Variants in TCF4 observed in about 807,000 individuals in gnomAD.
TCF4 encodes SL3-3 enhancer factor 2.
In TCF4, 3 loss-of-function variants were observed where a neutral mutation model predicts 82.1. The observed-to-expected ratio is 0.04, with a 90% CI of 0.02 to 0.09. TCF4 has a LOEUF of 0.09. Ranked by LOEUF, TCF4 falls within the 10% of genes least tolerant of loss-of-function variation. The pLI, the probability that TCF4 is intolerant of heterozygous loss-of-function variation, is 1.00. For synonymous variants in TCF4, 276 were observed against 309.6 expected (o/e 0.89, Z 1.14); for missense variants, 518 against 852.7 (o/e 0.61, Z 4.89).
intron 8 of TCF4, among the ~76,000 whole-genome samples, chr18:55,330,099 T>C (rs925168392): frequency 1.3e-5 from 2 of 152,082 alleles, no homozygotes; most frequent in East Asian, 1.9e-4. Context: ...ACAGAACATA[T>C]GATAAAGACA....
chr18:55,265,263 C>T (rs2058876151), intron 11 of TCF4: 1 of 152,292 alleles, frequency 6.6e-6, no homozygotes, highest in Admixed American at 6.5e-5. Context: ...AAGATGACTG[C>T]TTTCAAAGTA....
chr18:55,394,374 A>C (rs374792580), intron 6 of TCF4, among the ~76,000 whole-genome samples: 2 of 152,220 alleles, frequency 1.3e-5, no homozygotes, highest in South Asian at 4.1e-4. Flanking sequence ...TCGCAAATGC[A>C]TATAAACATG....
At chr18:55,495,904 C>CT (rs2145909473) in intron 3 of TCF4, 1 of 152,148 alleles carries the variant, frequency 6.6e-6, no homozygotes, top group East Asian at 1.9e-4. Flanking sequence ...ACGACCTGTC[C>CT]TTTACATGGA....
chr18:55,302,516 T>G (rs780389413), intron 8 of TCF4: 1 of 1,536,080 alleles, frequency 6.5e-7, no homozygotes, highest in South Asian at 1.2e-5. Flanking sequence ...TGGTCAGACA[T>G]GGCTGACAGC....
chr18:55,293,931 C>CTTTTTTT (rs781150808), intron 8 of TCF4, among the ~76,000 whole-genome samples: 452 of 40,022 alleles, frequency 0.011, 120 homozygotes, highest in African/African-American at 0.012. Context: ...TTTCCAAGGA[C>CTTTTTTT]TTTTTTTTTT....
At chr18:55,415,966 T>C (rs2094512025) in intron 5 of TCF4, among the ~76,000 whole-genome samples, 1 of 152,232 alleles carries the variant, frequency 6.6e-6, no homozygotes, top group African/African-American at 2.4e-5. Flanking sequence ...ATCAAATATG[T>C]AGCATTTAAA....
intron 8 of TCF4, among the ~76,000 whole-genome samples, chr18:55,344,007 T>C (rs2080606904): frequency 6.6e-6 from 1 of 152,202 alleles, no homozygotes; most frequent in Non-Finnish European, 1.5e-5. Flanking sequence ...ACAAAGCAAG[T>C]GTCTGTCAAC....
At chr18:55,369,222 T>G (rs1259316055) in intron 6 of TCF4, among the ~76,000 whole-genome samples, 1 of 152,214 alleles carries the variant, frequency 6.6e-6, no homozygotes, top group African/African-American at 2.4e-5. Flanking sequence ...TCCTACATGT[T>G]TTGAAACTTA....
chr18:55,424,114 A>G (rs1359986459), intron 5 of TCF4, among the ~76,000 whole-genome samples: 2 of 152,188 alleles, frequency 1.3e-5, no homozygotes, highest in African/African-American at 4.8e-5. Flanking sequence ...AGAAATAGAA[A>G]TTTTGTGTGT....
chr18:55,351,143 A>C, intron 6 of TCF4, 140 bp from the exon 7 acceptor site: 2 of 1,078,020 alleles, frequency 1.9e-6, no homozygotes, highest in Middle Eastern at 2.6e-4. Context: ...CAAAACAAAA[A>C]CCCAAAAGAA....
chr18:55,435,452 C>T (rs1168408272), intron 5 of TCF4, among the ~76,000 whole-genome samples: 1 of 152,196 alleles, frequency 6.6e-6, no homozygotes, highest in Non-Finnish European at 1.5e-5. Flanking sequence ...GTCTCTTCCC[C>T]ATTTGAATAA....
rs138100565 is a variant in TCF4 at position 55,296,627 on chromosome 18, T to A, written c.550-16971A>T. On this transcript the variant is annotated intron_variant, in intron 8 of 19. Transcript: ENST00000354452. The stretch of plus-strand genomic sequence containing the variant: ...GAGCCAGTTTCTTAAAAATGATACG[T>A]TTCTTCTGTTATATGCCAGCCACAT... Among the ~76,000 whole-genome samples the A allele has an allele frequency of 3.5e-4, 54 of 152,318 alleles. 1 individual carries two copies. The highest frequency in any genetic ancestry group is 2.3e-3 in the East Asian group (12 of 5,186).
chr18:55,275,266 C>A (rs2061237971), intron 10 of TCF4, among the ~76,000 whole-genome samples: 1 of 97,866 alleles, frequency 1.0e-5, no homozygotes, highest in Non-Finnish European at 1.9e-5. Flanking sequence ...TCTTTTGAAA[C>A]TACAGATAGA....
At chr18:55,448,534 T>C (rs773695329) in intron 5 of TCF4, among the ~76,000 whole-genome samples, 10 of 152,248 alleles carry the variant, frequency 6.6e-5, no homozygotes, top group Non-Finnish European at 1.5e-4. Flanking sequence ...ACAGTGTTAA[T>C]GTAGACCCAC....
intron 5 of TCF4, among the ~76,000 whole-genome samples, chr18:55,421,704 T>C (rs1330353134): frequency 2.6e-5 from 4 of 152,228 alleles, no homozygotes; most frequent in African/African-American, 9.6e-5. Flanking sequence ...TTAATAATCA[T>C]CATTTTTTAA....
chr18:55,422,299 C>T, intron 5 of TCF4: 4 of 985,208 alleles, frequency 4.1e-6, no homozygotes, highest in Non-Finnish European at 4.8e-6. Flanking sequence ...CGTGAATCTG[C>T]CAGCCAGAGG....
intron 11 of TCF4, chr18:55,265,747 T>G (rs188582687): frequency 6.6e-6 from 1 of 152,220 alleles, no homozygotes; most frequent in African/African-American, 2.4e-5. Context: ...ATGTTTCTAC[T>G]AGACAAGCCA....
intron 8 of TCF4, among the ~76,000 whole-genome samples, chr18:55,295,863 T>C (rs2066363551): frequency 6.6e-6 from 1 of 152,172 alleles, no homozygotes; most frequent in African/African-American, 2.4e-5. Context: ...TCACTTCCTC[T>C]AAGGCCAAAT....
At chr18:55,329,263 C>A (rs1041738054) in intron 8 of TCF4, among the ~76,000 whole-genome samples, 2 of 152,092 alleles carry the variant, frequency 1.3e-5, no homozygotes, top group Non-Finnish European at 1.5e-5. Context: ...TGTTCTTTAA[C>A]TCAAAATAAA....
Sources: allele counts gnomAD v4.1 joint callset (sites outside exome capture counted in the v4.1 genomes callset), GRCh38; gene constraint gnomAD v4.1.1; transcripts MANE v1.5; gene names NCBI Gene and HGNC (gene_info 2026-07-23, HGNC 2026-07-21).